The following TMEM131 variants were observed in gnomAD, a reference collection of about 807,000 sequenced individuals.
The protein encoded by TMEM131 is 2610524E03Rik.
Under a neutral mutation model 211.6 loss-of-function variants are expected in TMEM131, and 66 were observed. The observed-to-expected ratio is 0.31, with a 90% CI of 0.26 to 0.38. The LOEUF (loss-of-function observed/expected upper bound fraction) is 0.38. Ranked by LOEUF, TMEM131 falls within the 10% of genes least tolerant of loss-of-function variation. The pLI is 1.00. For missense variants in TMEM131, 2,036 were observed against 2,299.3 expected (o/e 0.89, Z 2.34); for synonymous variants, 844 against 841.3 (o/e 1.00, Z -0.06).
chr2:97,823,953 C>A (rs968457946), intron 11 of TMEM131, among the ~76,000 whole-genome samples: 9 of 152,058 alleles, frequency 5.9e-5, no homozygotes, highest in African/African-American at 2.2e-4. Flanking sequence ...CTGGCAACCT[C>A]GGTGTTCTAT....
intron 11 of TMEM131, among the ~76,000 whole-genome samples, chr2:97,830,217 A>G (rs552007009): frequency 6.6e-6 from 1 of 152,136 alleles, no homozygotes; most frequent in South Asian, 2.1e-4. Flanking sequence ...AACAAACCCA[A>G]GACAAAACAC....
At chr2:97,769,607 G>C (rs1679366594) in intron 33 of TMEM131, among the ~76,000 whole-genome samples, 1 of 152,156 alleles carries the variant, frequency 6.6e-6, no homozygotes, top group African/African-American at 2.4e-5. Flanking sequence ...GATTTTTACA[G>C]ATAATATGAT....
chr2:97,929,483 T>C (rs1677128258), intron 1 of TMEM131, among the ~76,000 whole-genome samples: 1 of 151,912 alleles, frequency 6.6e-6, no homozygotes, highest in Non-Finnish European at 1.5e-5. Flanking sequence ...ACACTCACTG[T>C]CCCACATATG....
chr2:97,835,522 G>GA (rs1047511543), intron 8 of TMEM131, among the ~76,000 whole-genome samples: 11 of 152,070 alleles, frequency 7.2e-5, no homozygotes, highest in South Asian at 4.1e-4. Flanking sequence ...AGACTTACTG[G>GA]AAAAAAAATT....
In TMEM131 at chr2:97,943,007, G is replaced by GA. The variant is rs200029420; in HGVS notation, c.188-15521dup. On this transcript the variant is annotated intron_variant, in intron 1 of 40. Coordinates refer to ENST00000186436, the MANE Select transcript of TMEM131 (RefSeq NM_015348.2). ...AAGAAAAGAAAGAAAAGAAAGAAAAGAAAGAAAAGAAAAGAAAAGAAAAGA... is the reference window on the plus strand; with the variant it reads ...AAGAAAAGAAAGAAAAGAAAGAAAAGAAAAGAAAAGAAAAGAAAAGAAAAGA... Among the ~76,000 whole-genome samples the GA allele has an allele frequency of 3.4e-3, 214 of 62,948 alleles. 2 individuals are homozygous for GA. Among genetic ancestry groups the GA allele is most frequent in the East Asian group, 0.012 (26 of 2,200 alleles). The allele number at this position is 62,948 out of a possible 152,430, so 41.3% of individuals were successfully genotyped here.
intron 4 of TMEM131, among the ~76,000 whole-genome samples, chr2:97,878,689 G>A (rs1674795915): frequency 6.6e-6 from 1 of 152,100 alleles, no homozygotes; most frequent in African/African-American, 2.4e-5. Flanking sequence ...ATACACCAGG[G>A]CCTGTCAGGG....
intron 1 of TMEM131, among the ~76,000 whole-genome samples, chr2:97,958,044 G>A (rs1241023649): frequency 1.3e-5 from 2 of 152,168 alleles, no homozygotes; most frequent in Non-Finnish European, 2.9e-5. Context: ...AGGTGAACAC[G>A]GAGGTTAAGG....
At chr2:97,971,068 A>T (rs1054234074) in intron 1 of TMEM131, among the ~76,000 whole-genome samples, 1 of 152,262 alleles carries the variant, frequency 6.6e-6, no homozygotes, top group African/African-American at 2.4e-5. Flanking sequence ...TTATTTAAAC[A>T]TATGAAGAAG....
At chr2:97,880,314 C>G (rs549024292) in intron 4 of TMEM131, among the ~76,000 whole-genome samples, 2 of 151,944 alleles carry the variant, frequency 1.3e-5, no homozygotes, top group Non-Finnish European at 2.9e-5. Context: ...AAATAGGAAA[C>G]CATTAAAGGA....
chr2:97,952,904 CA>C (rs1335149792), intron 1 of TMEM131, among the ~76,000 whole-genome samples: 2 of 151,958 alleles, frequency 1.3e-5, no homozygotes, highest in Admixed American at 1.3e-4. Flanking sequence ...ACAAAACAAA[CA>C]AAAAACAACA....
chr2:97,932,298 C>T (rs1049592405), intron 1 of TMEM131, among the ~76,000 whole-genome samples: 2 of 152,158 alleles, frequency 1.3e-5, no homozygotes, highest in Admixed American at 6.5e-5. Flanking sequence ...TGGGTCCCTT[C>T]GAGCTTAAAG....
At chr2:97,829,468 G>A (rs1276750288) in intron 11 of TMEM131, among the ~76,000 whole-genome samples, 1 of 152,170 alleles carries the variant, frequency 6.6e-6, no homozygotes, top group Non-Finnish European at 1.5e-5. Flanking sequence ...TCAGCACTGT[G>A]TCTAGCTAAA....
chr2:97,875,507 TAACA>T (rs1674656154), intron 4 of TMEM131, among the ~76,000 whole-genome samples: 2 of 152,194 alleles, frequency 1.3e-5, no homozygotes, highest in Admixed American at 6.5e-5. Flanking sequence ...ACAGAAATCA[TAACA>T]AACAGTTTCT....
chr2:97,948,295 C>T (rs1490517550), intron 1 of TMEM131, among the ~76,000 whole-genome samples: 1 of 151,976 alleles, frequency 6.6e-6, no homozygotes, highest in Non-Finnish European at 1.5e-5. Flanking sequence ...TTGCAAAATG[C>T]TTATCTGACA....
At chr2:97,808,331 T>G (rs1487202759) in intron 19 of TMEM131, among the ~76,000 whole-genome samples, 1 of 152,200 alleles carries the variant, frequency 6.6e-6, no homozygotes. Context: ...AATGTCTTGT[T>G]TCTCTTAACC....
At chr2:97,883,091 T>C (rs1267709557) in intron 4 of TMEM131, among the ~76,000 whole-genome samples, 1 of 152,018 alleles carries the variant, frequency 6.6e-6, no homozygotes, top group Admixed American at 6.6e-5. Context: ...GGACAGTAGC[T>C]CTATGGGGCC....
intron 1 of TMEM131, among the ~76,000 whole-genome samples, chr2:97,977,761 T>G (rs116063804): frequency 0.028 from 4,199 of 152,256 alleles, 67 homozygotes; most frequent in Middle Eastern, 0.065. Context: ...GGATAATGGT[T>G]GCTGAAGGGT....
intron 40 of TMEM131, 92 bp from the exon 41 acceptor site, chr2:97,757,475 G>A: frequency 5.2e-6 from 7 of 1,354,972 alleles, no homozygotes; most frequent in Non-Finnish European, 6.0e-6. Flanking sequence ...ATGAGGCTGG[G>A]GCACGCATTC....
At position 97,802,011 on chromosome 2, in the gene TMEM131, A is replaced by T. The variant is rs765349513; in HGVS notation, c.2652-50T>A. On this transcript the variant is annotated intron_variant, in intron 24 of 40. Coordinates refer to ENST00000186436, the MANE Select transcript of TMEM131 (RefSeq NM_015348.2). ...TTATTCATAAGCAACATCACAGTTA[A>T]GGGAGTTATGGAGTGATTATCAGGT... The T allele has an allele frequency of 5.3e-6, 7 of 1,325,056 alleles. No homozygotes were observed. The Admixed American group carries it at 1.3e-4, about 24-fold the overall frequency. 82.1% of individuals were successfully genotyped at this position (1,325,056 alleles called of 1,614,324 possible). A position where few individuals can be genotyped will look rare whatever the true frequency, so the allele number is the denominator to read the frequency against.
Sources: gnomAD v4.1 joint callset for allele counts (sites outside exome capture counted in the v4.1 genomes callset) on GRCh38, gnomAD v4.1.1 for gene constraint, MANE v1.5 for transcripts, NCBI Gene and HGNC (gene_info 2026-07-23, HGNC 2026-07-21) for gene names.